Variants in MACROD2 observed in about 807,000 individuals in gnomAD.
The protein encoded by MACROD2 is ADP-ribose glycohydrolase MACROD2.
MACROD2 carries 36 observed loss-of-function variants against 70.4 expected under a neutral mutation model. That is an observed-to-expected ratio of 0.51 (90% CI 0.39 to 0.68). The LOEUF is 0.68. Ranked by LOEUF, MACROD2 falls within the 30% of genes least tolerant of loss-of-function variation. The pLI, the probability that MACROD2 is intolerant of heterozygous loss-of-function variation, is 0.00. For synonymous variants in MACROD2, 172 were observed against 178.8 expected, an observed-to-expected ratio of 0.96 and a Z score of 0.30; for missense variants, 496 against 538.4, an observed-to-expected ratio of 0.92 and a Z score of 0.78.
intron 5 of MACROD2, among the ~76,000 whole-genome samples, chr20:15,195,935 A>G (rs1448453575): frequency 6.6e-6 from 1 of 152,220 alleles, no homozygotes; most frequent in Non-Finnish European, 1.5e-5. Flanking sequence ...TTGCAGGGAT[A>G]TAGATGGAGC....
chr20:15,732,552 G>A lies in MACROD2; in HGVS notation c.646-130193G>A, dbSNP rs78942670. Among the ~76,000 whole-genome samples, 684 of 152,212 alleles carry A rather than the reference G, an allele frequency of 4.5e-3. 2 individuals carry two copies. The highest frequency in any genetic ancestry group is 0.015 in the African/African-American group (608 of 41,522). ...CTTTTTCTGTCTCTACTAATTAACC[G>A]TGTGACTTTTATTTAATGAATTAGA... On this transcript the variant is annotated intron_variant, in intron 8 of 17. Coordinates refer to ENST00000684519, the MANE Select transcript of MACROD2 (RefSeq NM_001351661.2).
intron 3 of MACROD2, among the ~76,000 whole-genome samples, chr20:14,164,863 C>A (rs952706863): frequency 6.6e-6 from 1 of 152,142 alleles, no homozygotes; most frequent in Admixed American, 6.5e-5. Context: ...TGTAAGCAGG[C>A]GGCTGGGACG....
intron 3 of MACROD2, among the ~76,000 whole-genome samples, chr20:14,492,429 A>C (rs1420467122): frequency 6.6e-6 from 1 of 152,198 alleles, no homozygotes; most frequent in Non-Finnish European, 1.5e-5. Flanking sequence ...ATGTAACAAC[A>C]ATCAGTAAAC....
At chr20:14,712,345 G>A (rs1362645364) in intron 5 of MACROD2, among the ~76,000 whole-genome samples, 1 of 152,112 alleles carries the variant, frequency 6.6e-6, no homozygotes, top group Non-Finnish European at 1.5e-5. Context: ...TAGAGTCTTG[G>A]TAAACAGCCA....
At chr20:14,037,682 T>G (rs975740674) in intron 2 of MACROD2, among the ~76,000 whole-genome samples, 4 of 151,974 alleles carry the variant, frequency 2.6e-5, no homozygotes, top group African/African-American at 9.7e-5. Context: ...TAAGGATTGA[T>G]GAAGGTTGGT....
intron 6 of MACROD2, among the ~76,000 whole-genome samples, chr20:15,233,923 A>G (rs531721809): frequency 2.4e-5 from 3 of 124,560 alleles, no homozygotes; most frequent in Non-Finnish European, 4.9e-5. Flanking sequence ...AAAGTCAGTT[A>G]TTTTTATTTA....
At chr20:15,411,834 G>T (rs555144725) in intron 6 of MACROD2, among the ~76,000 whole-genome samples, 1 of 152,276 alleles carries the variant, frequency 6.6e-6, no homozygotes, top group Non-Finnish European at 1.5e-5. Context: ...TGAAGCCCAG[G>T]ATTAATCCAT....
intron 8 of MACROD2, among the ~76,000 whole-genome samples, chr20:15,601,976 C>T (rs1316100406): frequency 3.3e-5 from 5 of 151,808 alleles, no homozygotes; most frequent in African/African-American, 9.7e-5. Flanking sequence ...TCCAGTGAGC[C>T]GAGACTGTGC....
chr20:15,867,862 A>G (rs915866482), intron 9 of MACROD2, among the ~76,000 whole-genome samples: 2 of 152,204 alleles, frequency 1.3e-5, no homozygotes, highest in African/African-American at 2.4e-5. Context: ...CCCTTTAGGA[A>G]AAACCAACCT....
At chr20:14,331,824 G>A (rs2082846908) in intron 3 of MACROD2, among the ~76,000 whole-genome samples, 1 of 151,956 alleles carries the variant, frequency 6.6e-6, no homozygotes, top group Non-Finnish European at 1.5e-5. Flanking sequence ...TGCGCACCTA[G>A]AAATACTGTA....
chr20:14,659,920 T>TA lies in MACROD2; in HGVS notation c.302-24917dup, dbSNP rs2050391105. Among the ~76,000 whole-genome samples, 8 of 152,310 alleles carry TA rather than the reference T, an allele frequency of 5.3e-5. No homozygotes were observed. In the South Asian group the frequency reaches 1.7e-3, roughly 32 times the overall value. On this transcript the variant is annotated intron_variant, in intron 4 of 17. Coordinates refer to ENST00000684519, the MANE Select transcript of MACROD2 (RefSeq NM_001351661.2). The stretch of plus-strand genomic sequence containing the variant: ...TGAAAACAAACTAAATATAGCACCC[T>TA]AAAAAACCTTTCAAATATTTTGGAT...
chr20:15,535,805 A>G (rs998738134), intron 8 of MACROD2, among the ~76,000 whole-genome samples: 1 of 152,180 alleles, frequency 6.6e-6, no homozygotes, highest in Admixed American at 6.5e-5. Flanking sequence ...CATACTGGAT[A>G]ATTATGGATG....
intron 8 of MACROD2, among the ~76,000 whole-genome samples, chr20:15,795,734 G>A (rs557017486): frequency 6.6e-6 from 1 of 152,316 alleles, no homozygotes; most frequent in Admixed American, 6.5e-5. Context: ...TTATAAGAAT[G>A]TCAAGTTGTC....
intron 4 of MACROD2, chr20:14,631,888 T>C (rs1167731587): frequency 6.6e-6 from 1 of 152,250 alleles, no homozygotes; most frequent in Non-Finnish European, 1.5e-5. Flanking sequence ...TGTGTTGTTG[T>C]AACTTCAGGT....
chr20:14,969,361 T>TACAC (rs3045701), intron 5 of MACROD2, among the ~76,000 whole-genome samples: 19,330 of 137,912 alleles, frequency 0.14, 1,428 homozygotes, highest in Non-Finnish European at 0.18. Flanking sequence ...TAAATGCTTT[T>TACAC]ACACACACAC....
chr20:14,786,315 A>G (rs1369375995), intron 5 of MACROD2, among the ~76,000 whole-genome samples: 1 of 151,850 alleles, frequency 6.6e-6, no homozygotes, highest in East Asian at 1.9e-4. Flanking sequence ...TCACCATCCG[A>G]AATTCTAAGC....
chr20:14,557,761 T>TACCC (rs1979135705), intron 4 of MACROD2, among the ~76,000 whole-genome samples: 1 of 151,810 alleles, frequency 6.6e-6, no homozygotes, highest in Non-Finnish European at 1.5e-5. Flanking sequence ...TTAGAACACT[T>TACCC]ACCCATTGCT....
At position 15,537,513 on chromosome 20, in the gene MACROD2, G is replaced by T. The variant is rs542010635; in HGVS notation, c.645+37666G>T. On this transcript the variant is annotated intron_variant, in intron 8 of 17. Transcript: ENST00000684519. The stretch of plus-strand genomic sequence containing the variant: ...TTTTGAGAGGGAGTGTCACTCTGTT[G>T]CCCAGGCTGGGGTGCAATGACACCA... Among the ~76,000 whole-genome samples the T allele has an allele frequency of 5.2e-5, 6 of 115,982 alleles. No individual in the cohort carries two copies. The South Asian group carries it at 1.7e-3, about 33-fold the overall frequency. 76.1% of individuals were successfully genotyped at this position (115,982 alleles called of 152,430 possible).
chr20:14,258,040 C>T (rs1158410706), intron 3 of MACROD2, among the ~76,000 whole-genome samples: 1 of 152,060 alleles, frequency 6.6e-6, no homozygotes, highest in Non-Finnish European at 1.5e-5. Flanking sequence ...CCAATTCCAC[C>T]CAGGTTGCTG....
Sources: allele counts gnomAD v4.1 joint callset (sites outside exome capture counted in the v4.1 genomes callset), GRCh38; gene constraint gnomAD v4.1.1; transcripts MANE v1.5; gene names NCBI Gene and HGNC (gene_info 2026-07-23, HGNC 2026-07-21).